CAMK1D: variants seen among roughly 807,000 people sequenced by gnomAD.
CAMK1D encodes calcium/calmodulin dependent protein kinase ID.
In CAMK1D, 9 loss-of-function variants were observed where a neutral mutation model predicts 47.7. The ratio of observed to expected loss-of-function variants is 0.19; its 90% CI spans 0.11 to 0.33. The LOEUF is 0.33. Among genes scored for constraint, CAMK1D ranks in the 10% least tolerant of loss-of-function variants. The probability of loss-of-function intolerance (pLI) is 1.00; values close to 1 mark genes in which losing one functional copy is unlikely to be tolerated. For missense variants in CAMK1D, 291 were observed against 488.7 expected (o/e 0.60, Z 3.81); for synonymous variants, 184 against 184.9 (o/e 0.99, Z 0.04).
chr10:12,564,230 C>T (rs1388559547), intron 2 of CAMK1D, among the ~76,000 whole-genome samples: 1 of 151,572 alleles, frequency 6.6e-6, no homozygotes, highest in African/African-American at 2.4e-5. Context: ...TGGAGAACCA[C>T]ACTAATGAAA....
chr10:12,802,437 C>T (rs187251315), intron 6 of CAMK1D, among the ~76,000 whole-genome samples: 114 of 152,320 alleles, frequency 7.5e-4, no homozygotes, highest in African/African-American at 2.7e-3. Flanking sequence ...CCTGGCCATT[C>T]TCCTCCCATC....
chr10:12,483,740 G>C (rs1193120912), intron 1 of CAMK1D, among the ~76,000 whole-genome samples: 5 of 152,032 alleles, frequency 3.3e-5, no homozygotes, highest in African/African-American at 1.2e-4. Context: ...AGGCTGGAGT[G>C]CAGTGGCGTG....
At chr10:12,559,803 G>A (rs1286882100) in intron 2 of CAMK1D, among the ~76,000 whole-genome samples, 3 of 152,146 alleles carry the variant, frequency 2.0e-5, no homozygotes, top group African/African-American at 7.2e-5. Context: ...CTGGGGTAGG[G>A]TGTGGTCGAG....
rs115954874 is a variant in CAMK1D, at chr10:12,737,793, A to T, written c.300-23155A>T. Among the ~76,000 whole-genome samples the T allele has an allele frequency of 8.0e-3, 1,222 of 152,352 alleles. 10 individuals are homozygous for T. The highest frequency in any genetic ancestry group is 0.028 in the African/African-American group (1,172 of 41,560). ...AGCTACAAGATAAACACAAGTAAAT[A>T]TAAAATACTATTAAGAATGCCTGTT... is the stretch of plus-strand genomic sequence containing the variant. On this transcript the variant is annotated intron_variant, in intron 3 of 10. Coordinates refer to ENST00000619168, the MANE Select transcript of CAMK1D (RefSeq NM_153498.4).
At position 12,749,261 on chromosome 10, in the gene CAMK1D, G is replaced by GA. The variant is rs146895932; in HGVS notation, c.300-11680dup. 3.6e-3 allele frequency among the ~76,000 whole-genome samples: 552 copies of GA among 151,818 alleles called. 5 individuals carry two copies. The highest frequency in any genetic ancestry group is 0.012 in the African/African-American group (506 of 41,422). ...CTTAGTAAACCTTATAAATATTGGG[G>GA]AAAAAAATCTTTGTCATTTTTTTTA... On this transcript the variant is annotated intron_variant, in intron 3 of 10. Coordinates refer to ENST00000619168, the MANE Select transcript of CAMK1D (RefSeq NM_153498.4).
chr10:12,816,251 A>G lies in CAMK1D; in HGVS notation c.756A>G (p.Ala252=). 3 of 1,613,848 alleles carry G rather than the reference A, an allele frequency of 1.9e-6. No individual in the cohort carries two copies. In the South Asian group the frequency reaches 3.3e-5, roughly 18 times the overall value. ...SPYWDDISDS[A]KDFIRNLMEK... is the part of the protein sequence containing the mutation. ...CCCTTGTGCCTTCTTTTTGAACAGC[A>G]AAAGACTTCATTCGGAACCTGATGG... Residue 252 remains alanine, a splice_region_variant and synonymous_variant, in exon 8 of 11, where the codon GCA becomes GCG. Coordinates refer to ENST00000619168, the MANE Select transcript of CAMK1D (RefSeq NM_153498.4).
intron 1 of CAMK1D, among the ~76,000 whole-genome samples, chr10:12,548,470 G>A (rs965507574): frequency 4.5e-5 from 1 of 22,128 alleles, no homozygotes; most frequent in Admixed American, 4.2e-4. Flanking sequence ...TTTTTTTTTT[G>A]CTGGGGGAGG....
chr10:12,827,305 C>CTT (rs1316943717), intron 10 of CAMK1D, among the ~76,000 whole-genome samples: 24 of 24,054 alleles, frequency 1.0e-3, no homozygotes, highest in Non-Finnish European at 5.4e-4. Flanking sequence ...CTTTCTCTCT[C>CTT]TTTTTCTTTT....
intron 1 of CAMK1D, among the ~76,000 whole-genome samples, chr10:12,432,833 A>T (rs983971327): frequency 6.6e-6 from 1 of 151,890 alleles, no homozygotes; most frequent in Non-Finnish European, 1.5e-5. Context: ...TGTGCTGGAC[A>T]CTCTCGAAGG....
intron 2 of CAMK1D, among the ~76,000 whole-genome samples, chr10:12,639,141 G>A (rs1839596192): frequency 6.6e-6 from 1 of 152,224 alleles, no homozygotes; most frequent in Non-Finnish European, 1.5e-5. Flanking sequence ...CTCAGAAAGA[G>A]AAAGTCCCCT....
intron 10 of CAMK1D, among the ~76,000 whole-genome samples, chr10:12,828,054 A>G (rs1426702542): frequency 6.6e-6 from 1 of 152,234 alleles, no homozygotes; most frequent in African/African-American, 2.4e-5. Context: ...GTAGGAAGGT[A>G]GTATCATTCT....
chr10:12,505,016 C>T (rs1834827659), intron 1 of CAMK1D, among the ~76,000 whole-genome samples: 1 of 152,216 alleles, frequency 6.6e-6, no homozygotes, highest in Non-Finnish European at 1.5e-5. Flanking sequence ...CACTGACTCT[C>T]GCTTCTAACT....
intron 1 of CAMK1D, among the ~76,000 whole-genome samples, chr10:12,532,036 G>A (rs1835820868): frequency 6.6e-6 from 1 of 152,236 alleles, no homozygotes; most frequent in Non-Finnish European, 1.5e-5. Flanking sequence ...GCACAGGGGA[G>A]AGCTTTGGCC....
At chr10:12,403,206 A>G (rs1839291101) in intron 1 of CAMK1D, among the ~76,000 whole-genome samples, 2 of 152,202 alleles carry the variant, frequency 1.3e-5, no homozygotes, top group African/African-American at 4.8e-5. Flanking sequence ...GATGCAGTGA[A>G]AAGTTGTGAG....
At chr10:12,540,374 G>A (rs925722624) in intron 1 of CAMK1D, among the ~76,000 whole-genome samples, 1 of 152,178 alleles carries the variant, frequency 6.6e-6, no homozygotes, top group African/African-American at 2.4e-5. Flanking sequence ...TAAAATGTGG[G>A]AGCCTGTCAG....
chr10:12,779,737 T>A (rs1837409932), intron 5 of CAMK1D, among the ~76,000 whole-genome samples: 1 of 151,826 alleles, frequency 6.6e-6, no homozygotes, highest in African/African-American at 2.4e-5. Context: ...AGTTGAGAAT[T>A]TTTTTTTTGA....
chr10:12,735,529 G>A (rs532425052), intron 3 of CAMK1D, among the ~76,000 whole-genome samples: 9 of 152,284 alleles, frequency 5.9e-5, no homozygotes, highest in East Asian at 5.8e-4. Flanking sequence ...AGCAAGAAGC[G>A]GAGGGGCGAA....
chr10:12,767,161 C>A (rs912019556), intron 4 of CAMK1D, among the ~76,000 whole-genome samples: 3 of 152,160 alleles, frequency 2.0e-5, no homozygotes, highest in African/African-American at 7.2e-5. Context: ...AGACAGGTCT[C>A]AGTCAATTTA....
intron 1 of CAMK1D, among the ~76,000 whole-genome samples, chr10:12,467,929 A>G (rs1833639447): frequency 6.6e-6 from 1 of 152,244 alleles, no homozygotes; most frequent in Non-Finnish European, 1.5e-5. Flanking sequence ...GATAGCCTGC[A>G]TACCCTTTAT....
Sources: allele counts gnomAD v4.1 joint callset (sites outside exome capture counted in the v4.1 genomes callset), GRCh38; gene constraint gnomAD v4.1.1; transcripts MANE v1.5; gene names NCBI Gene and HGNC (gene_info 2026-07-23, HGNC 2026-07-21).